Variants in PLXNB1 observed in about 807,000 individuals in gnomAD.
PLXNB1 encodes the protein plexin B1.
Under a neutral mutation model 209.4 loss-of-function variants are expected in PLXNB1, and 106 were observed. The observed-to-expected ratio is 0.51, with a 90% confidence interval of 0.43 to 0.59. The LOEUF (loss-of-function observed/expected upper bound fraction) is 0.59. PLXNB1 is among the 20% of genes least tolerant of loss of function. The pLI is 0.00. For missense variants in PLXNB1, 2,357 were observed against 2,853.2 expected, an observed-to-expected ratio of 0.83 and a Z score of 3.96; for synonymous variants, 1,167 against 1,183.2, an observed-to-expected ratio of 0.99 and a Z score of 0.28.
Position 48,409,425 on chromosome 3 carries a change from G to A in PLXNB1, c.5991C>T (p.Phe1997=), listed in dbSNP as rs368327333. 2.5e-5 allele frequency: 41 copies of A among 1,614,054 alleles called. No individual in the cohort carries two copies. Among genetic ancestry groups the A allele is most frequent in the Middle Eastern group, 1.6e-4 (1 of 6,084 alleles). Residue 1997 remains phenylalanine (F), a synonymous_variant, in exon 34 of 38, where the codon TTC becomes TTT. Transcript: ENST00000296440. The surrounding 1 kb of genome is among the most constrained non-coding windows in gnomAD (Gnocchi z 5.8). Reference sequence around the variant, plus strand: ...CCATGTTATCAGATGTTTGCACGTCGAACACAAACTGCGGGTTTTTTATTA... The same window carrying A: ...CCATGTTATCAGATGTTTGCACGTCAAACACAAACTGCGGGTTTTTTATTA... ...INIIKNPQFV[F]DVQTSDNMDA...
At position 48,406,531 on chromosome 3, in the gene PLXNB1, G is replaced by A; in HGVS notation, c.6228+292C>T. The A allele has an allele frequency of 9.2e-6, 9 of 977,446 alleles. No individual in the cohort carries two copies. Among genetic ancestry groups the A allele is most frequent in the Non-Finnish European group, 1.1e-5 (9 of 822,766 alleles). 60.5% of individuals were successfully genotyped at this position (977,446 alleles called of 1,614,324 possible). Reference sequence around the variant, plus strand: ...CACAGCAGTGGGAAGACGCATGCAGGCAGACCCAGGCAGGCCTGGGGCTGA... The same window carrying A: ...CACAGCAGTGGGAAGACGCATGCAGACAGACCCAGGCAGGCCTGGGGCTGA... On this transcript the variant is annotated intron_variant, in intron 36 of 37. Transcript: ENST00000296440. The surrounding 1 kb of genome is among the most constrained non-coding windows in gnomAD (Gnocchi z 4.4).
Position 48,419,503 on chromosome 3 carries a change from T to C in PLXNB1, c.2709+74A>G. 6.6e-7 allele frequency: 1 copy of C among 1,519,782 alleles called. No homozygotes were observed. The highest frequency in any genetic ancestry group is 8.9e-7 in the Non-Finnish European group (1 of 1,123,130). 94.1% of individuals were successfully genotyped at this position (1,519,782 alleles called of 1,614,324 possible). On this transcript the variant is annotated intron_variant, in intron 11 of 37. Coordinates refer to ENST00000296440, the MANE Select transcript of PLXNB1 (RefSeq NM_001130082.3). The surrounding 1 kb of genome is among the most constrained non-coding windows in gnomAD (Gnocchi z 5.7). ...CCCCTCACCTCCTCCCAGTGCAGAA[T>C]CACAAGGCAAGCTAGGGGTAGCATC...
At position 48,419,299 on chromosome 3, in the gene PLXNB1, G is replaced by A. The variant is rs779596322; in HGVS notation, c.2777C>T (p.Pro926Leu). 8 of 1,598,768 alleles carry A rather than the reference G, an allele frequency of 5.0e-6. No homozygotes were observed. The highest frequency in any genetic ancestry group is 1.1e-5 in the South Asian group (1 of 89,970). ...CCGGATTTCCCGCTCCACATGGACC[G>A]GCATCAACGTGGAGCCCTGAACGCT... ...VESVQGSTLM[P>L]VHVEREIRLL... is the part of the protein sequence containing the mutation. Residue 926 changes from proline to leucine, a missense_variant, in exon 12 of 38, where the codon CCG becomes CTG. This residue lies in a region of PLXNB1 where 410 missense variants were observed against 401.0 expected (regional missense o/e 1.02). Coordinates refer to ENST00000296440, the MANE Select transcript of PLXNB1 (RefSeq NM_001130082.3). This position sits in a 1 kb window ranked among gnomAD's most constrained non-coding sequence, Gnocchi z 5.7.
In PLXNB1 at chr3:48,406,518, A is replaced by G. The variant is rs1479397411; in HGVS notation, c.6228+305T>C. ...CCACCAAGGGAAGCACAGCAGTGGG[A>G]AGACGCATGCAGGCAGACCCAGGCA... On this transcript the variant is annotated intron_variant, in intron 36 of 37. Coordinates refer to ENST00000296440, the MANE Select transcript of PLXNB1 (RefSeq NM_001130082.3). This position sits in a 1 kb window ranked among gnomAD's most constrained non-coding sequence, Gnocchi z 4.4. The G allele has an allele frequency of 1.0e-6, 1 of 953,810 alleles. No homozygotes were observed. The highest frequency in any genetic ancestry group is 1.8e-5 in the African/African-American group (1 of 56,546). 59.1% of individuals were successfully genotyped at this position (953,810 alleles called of 1,614,324 possible). A position where few individuals can be genotyped will look rare whatever the true frequency, so the allele number is the denominator to read the frequency against.
chr3:48,421,647 C>G lies in PLXNB1; in HGVS notation c.1653+27G>C, dbSNP rs375690534. On this transcript the variant is annotated intron_variant, in intron 7 of 37. Coordinates refer to ENST00000296440, the MANE Select transcript of PLXNB1 (RefSeq NM_001130082.3). Reference sequence around the variant, plus strand: ...CCTTGATGCCCAGAGCCCTCCCCACCAGGGCCCTGCCTATCTGATCATTCA... The same window carrying G: ...CCTTGATGCCCAGAGCCCTCCCCACGAGGGCCCTGCCTATCTGATCATTCA... 8 of 1,578,780 alleles carry G rather than the reference C, an allele frequency of 5.1e-6. No individual in the cohort carries two copies. In the African/African-American group the frequency reaches 1.1e-4, roughly 21 times the overall value.
At chr3:48,425,794 T>C (rs1268496107) in intron 1 of PLXNB1, among the ~76,000 whole-genome samples, 1 of 149,938 alleles carries the variant, frequency 6.7e-6, no homozygotes, top group African/African-American at 2.5e-5. Flanking sequence ...ACCCTGTATG[T>C]ATATGCCTAC....
chr3:48,424,668 C>T (rs2038790077), intron 2 of PLXNB1, 51 bp from the exon 3 acceptor site: 1 of 1,504,412 alleles, frequency 6.6e-7, no homozygotes, highest in Non-Finnish European at 8.9e-7. Context: ...CGCCAGAGCA[C>T]CCTGGGGCCA....
In PLXNB1 at chr3:48,412,316, G is replaced by A. The variant is rs370993692; in HGVS notation, c.5034-12C>T. The A allele has an allele frequency of 2.9e-5, 47 of 1,613,890 alleles. No homozygotes were observed. The African/African-American group carries it at 3.9e-4, about 13-fold the overall frequency. On this transcript the variant is annotated splice_polypyrimidine_tract_variant and intron_variant, in intron 26 of 37. Coordinates refer to ENST00000296440, the MANE Select transcript of PLXNB1 (RefSeq NM_001130082.3). ...CCACAGTCTCTGTCCTGAGATGATGGGAAAGGGGAGTGCCAGGGTCAGCAG... is the reference window on the plus strand; with the variant it reads ...CCACAGTCTCTGTCCTGAGATGATGAGAAAGGGGAGTGCCAGGGTCAGCAG...
rs774844881 is a variant in PLXNB1 at position 48,412,729 on chromosome 3, C to A, written c.4854+13G>T. On this transcript the variant is annotated intron_variant, in intron 25 of 37. Transcript: ENST00000296440. The stretch of plus-strand genomic sequence containing the variant: ...GGGCCAGGGGCAGGCCAGGAAGATG[C>A]AGCTGGGGGTACCTTGGTGAGGAAG... 1 of 1,610,840 alleles carries A rather than the reference C, an allele frequency of 6.2e-7. No homozygotes were observed. Among genetic ancestry groups the A allele is most frequent in the African/African-American group, 1.3e-5 (1 of 75,022 alleles).
At chr3:48,428,495 C>CG (rs2039010615) in intron 1 of PLXNB1, among the ~76,000 whole-genome samples, 1 of 152,192 alleles carries the variant, frequency 6.6e-6, no homozygotes, top group African/African-American at 2.4e-5. Flanking sequence ...CCCGGACCCC[C>CG]GTGGAGCTGT....
Position 48,422,235 on chromosome 3 carries a change from C to CA in PLXNB1, c.1420-31dup, listed in dbSNP as rs567969706. ...GACAGCAAAGAGGACCTGAGGCCAG[C>CA]AATCCAAACACCAGTGGCTCACCCA... On this transcript the variant is annotated intron_variant, in intron 5 of 37. Coordinates refer to ENST00000296440, the MANE Select transcript of PLXNB1 (RefSeq NM_001130082.3). The CA allele has an allele frequency of 2.3e-3, 3,655 of 1,611,788 alleles. 5 individuals are homozygous for CA. The highest frequency in any genetic ancestry group is 2.7e-3 in the Non-Finnish European group (3,124 of 1,178,058).
Position 48,423,518 on chromosome 3 carries a change from GCA to G in PLXNB1, c.1092_1093del (p.Ala365ThrfsTer58). 1 of 1,613,144 alleles carries G rather than the reference GCA, an allele frequency of 6.2e-7. No homozygotes were observed. Among genetic ancestry groups the G allele is most frequent in the Non-Finnish European group, 8.5e-7 (1 of 1,179,184 alleles). On this transcript the variant is annotated frameshift_variant, in exon 3 of 38. Transcript: ENST00000296440. LOFTEE classifies it high-confidence loss of function. ...ACTGGAACTCACCACTGGCAGCTGTGCACAGTCAGAATTGACATCATACTCGA... is the reference window on the plus strand; with the variant it reads ...ACTGGAACTCACCACTGGCAGCTGTGCAGTCAGAATTGACATCATACTCGA...
In PLXNB1 at chr3:48,421,355, G is replaced by C. The variant is rs760671697; in HGVS notation, c.1683C>G (p.Pro561=). The C allele has an allele frequency of 1.9e-6, 3 of 1,561,904 alleles. No individual in the cohort carries two copies. Among genetic ancestry groups the C allele is most frequent in the Non-Finnish European group, 2.6e-6 (3 of 1,150,860 alleles). ...AGGAATATGACTCCCCTGGCCACAG[G>C]GGTGGCAGGTCTGGCACTGATAGGA... ...EVFLSVPDLP[P]LWPGESYSCH... is the part of the protein sequence containing the mutation. Residue 561 remains proline, a synonymous_variant, in exon 8 of 38, where the codon CCC becomes CCG. Coordinates refer to ENST00000296440, the MANE Select transcript of PLXNB1 (RefSeq NM_001130082.3).
chr3:48,418,276 C>G lies in PLXNB1; in HGVS notation c.3137G>C (p.Gly1046Ala). 1 of 1,613,648 alleles carries G rather than the reference C, an allele frequency of 6.2e-7. No individual in the cohort carries two copies. The highest frequency in any genetic ancestry group is 8.5e-7 in the Non-Finnish European group (1 of 1,180,040). Residue 1046 changes from glycine (G) to alanine (A), a missense_variant, in exon 15 of 38, where the codon GGG becomes GCG. By Grantham distance (60) the Gly-to-Ala change is moderately conservative. Around this residue, in one of 7 missense-constraint regions of PLXNB1, gnomAD observed 743 missense variants for 896.2 expected, o/e 0.83. Coordinates refer to ENST00000296440, the MANE Select transcript of PLXNB1 (RefSeq NM_001130082.3). This position sits in a 1 kb window ranked among gnomAD's most constrained non-coding sequence, Gnocchi z 6.6. ...CCGGGTCACACAACGTGGACGCTCC[C>G]CCTCACACCACACACAGCCATACTG... Reference protein sequence around the residue: ...MPQYGCVWCEGERPRCVTREA... With the variant: ...MPQYGCVWCEAERPRCVTREA...
At position 48,418,647 on chromosome 3, in the gene PLXNB1, G is replaced by T; in HGVS notation, c.2956-105C>A. ...TAAAACGACCAGTTAGGAGCATAGG[G>T]TCAGAGGGACCCCATGGGGCCACAA... On this transcript the variant is annotated intron_variant, in intron 13 of 37. Coordinates refer to ENST00000296440, the MANE Select transcript of PLXNB1 (RefSeq NM_001130082.3). The surrounding 1 kb of genome is among the most constrained non-coding windows in gnomAD (Gnocchi z 6.6). 1 of 1,064,188 alleles carries T rather than the reference G, an allele frequency of 9.4e-7. No homozygotes were observed. Among genetic ancestry groups the T allele is most frequent in the Non-Finnish European group, 1.4e-6 (1 of 714,340 alleles). The allele number at this position is 1,064,188 out of a possible 1,614,324, so 65.9% of individuals were successfully genotyped here. A position where few individuals can be genotyped will look rare whatever the true frequency, so the allele number is the denominator to read the frequency against.
chr3:48,422,868 G>A lies in PLXNB1; in HGVS notation c.1187C>T (p.Pro396Leu). ...MASRVPLEAT[P>L]ILEWPGIQLT... ...CTGAATCCCTGGCCACTCCAGAATTGGTGTGGCTTCCAGCGGGACCCGGCT... is the reference window on the plus strand; with the variant it reads ...CTGAATCCCTGGCCACTCCAGAATTAGTGTGGCTTCCAGCGGGACCCGGCT... The change falls in exon 4 of 38, where the codon CCA (proline) becomes CTA (leucine). Residue 396 changes from proline (P) to leucine (L), a missense_variant. This residue lies in a region of PLXNB1 where 404 missense variants were observed against 443.6 expected (regional missense o/e 0.91). Transcript: ENST00000296440. 6.2e-7 allele frequency: 1 copy of A among 1,614,144 alleles called. No individual in the cohort carries two copies.
Position 48,409,844 on chromosome 3 carries a change from C to T in PLXNB1, c.5778+61G>A. ...CACGAGCCCCACACCACCCCCAAAT[C>T]CCACGAGTGGCCATGCTCCCTCTCA... is the stretch of plus-strand genomic sequence containing the variant. On this transcript the variant is annotated intron_variant, in intron 32 of 37. Coordinates refer to ENST00000296440, the MANE Select transcript of PLXNB1 (RefSeq NM_001130082.3). The surrounding 1 kb of genome is among the most constrained non-coding windows in gnomAD (Gnocchi z 5.8). 6.3e-7 allele frequency: 1 copy of T among 1,580,486 alleles called. No individual in the cohort carries two copies. The highest frequency in any genetic ancestry group is 8.6e-7 in the Non-Finnish European group (1 of 1,158,776).
rs150186349 is a variant in PLXNB1 at position 48,412,244 on chromosome 3, G to A, written c.5094C>T (p.Phe1698=). 50 of 1,614,004 alleles carry A rather than the reference G, an allele frequency of 3.1e-5. No individual in the cohort carries two copies. The African/African-American group carries it at 5.1e-4, about 16-fold the overall frequency. ...TNWMSICLYT[F]VRDSVGEPLY... is the part of the protein sequence containing the mutation. ...TCCACCTCTGCCCCCTCACCCTCACGAAGGTATACAGACAGATGGACATCC... is the reference window on the plus strand; with the variant it reads ...TCCACCTCTGCCCCCTCACCCTCACAAAGGTATACAGACAGATGGACATCC... Residue 1698 remains phenylalanine, a synonymous_variant, in exon 27 of 38, where the codon TTC becomes TTT. Transcript: ENST00000296440.
At chr3:48,421,967 G>T in intron 6 of PLXNB1, 138 bp downstream of exon 6, 2 of 1,317,354 alleles carry the variant, frequency 1.5e-6, no homozygotes, top group Non-Finnish European at 2.1e-6. Flanking sequence ...CAGTGCAGAG[G>T]ATGGGGGTGA....
Sources: gnomAD v4.1 joint callset for allele counts (sites outside exome capture counted in the v4.1 genomes callset) on GRCh38, gnomAD v4.1.1 for gene constraint, gnomAD v4.1.1 regional missense constraint, Gnocchi (gnomAD v3.1) non-coding constraint, MANE v1.5 for transcripts, NCBI Gene and HGNC (gene_info 2026-07-23, HGNC 2026-07-21) for gene names.